NMBR: variants seen among roughly 807,000 people sequenced by gnomAD.
NMBR encodes neuromedin B receptor.
NMBR carries 16 observed loss-of-function variants against 20.5 expected under a neutral mutation model. The observed-to-expected ratio is 0.78, with a 90% confidence interval of 0.53 to 1.19. The LOEUF (loss-of-function observed/expected upper bound fraction) is 1.19, where lower values mean the gene tolerates loss of function less well. Among genes scored for constraint, NMBR ranks in the 50% most tolerant of loss-of-function variants. NMBR has a pLI of 0.00. For missense variants in NMBR, 582 were observed against 499.1 expected (o/e 1.17, Z -1.58); for synonymous variants, 212 against 196.6 (o/e 1.08, Z -0.65).
intron 1 of NMBR, among the ~76,000 whole-genome samples, chr6:142,108,449 C>T (rs1309317454): frequency 6.6e-6 from 1 of 152,176 alleles, no homozygotes; most frequent in African/African-American, 2.4e-5. Context: ...GTTTAATTGA[C>T]TCACAGTTGT....
At chr6:142,077,402 A>G (rs1776971941) in intron 3 of NMBR, among the ~76,000 whole-genome samples, 1 of 152,238 alleles carries the variant, frequency 6.6e-6, no homozygotes, top group Admixed American at 6.5e-5. Flanking sequence ...TAATTGAGAT[A>G]CACAGGGCTC....
At chr6:142,133,372 G>C (rs1490259629) in intron 1 of NMBR, among the ~76,000 whole-genome samples, 1 of 152,114 alleles carries the variant, frequency 6.6e-6, no homozygotes, top group African/African-American at 2.4e-5. Flanking sequence ...AATTCAGGAA[G>C]TGTCTTTAGA....
At chr6:142,103,808 T>G (rs1030782399) in intron 1 of NMBR, among the ~76,000 whole-genome samples, 2 of 152,214 alleles carry the variant, frequency 1.3e-5, no homozygotes, top group African/African-American at 4.8e-5. Context: ...TTCAGTTAAT[T>G]TTTTGCCCTG....
chr6:142,094,392 A>G (rs910352288), intron 1 of NMBR, among the ~76,000 whole-genome samples: 9 of 152,204 alleles, frequency 5.9e-5, no homozygotes, highest in African/African-American at 1.7e-4. Flanking sequence ...TCCCAGCACC[A>G]TTTATTAAAT....
chr6:142,133,069 G>T (rs1778173021), intron 1 of NMBR: 4 of 577,240 alleles, frequency 6.9e-6, no homozygotes, highest in South Asian at 2.2e-5. Flanking sequence ...AGTCCTGAGA[G>T]AATGTAAGAG....
At chr6:142,136,004 T>C (rs534216624) in intron 1 of NMBR, among the ~76,000 whole-genome samples, 2,037 of 152,300 alleles carry the variant, frequency 0.013, 41 homozygotes, top group African/African-American at 0.047. Context: ...CCTTTGGGTA[T>C]ATACCCAGTA....
At chr6:142,132,991 C>A in intron 1 of NMBR, 1 of 434,410 alleles carries the variant, frequency 2.3e-6, no homozygotes, top group Non-Finnish European at 4.1e-6. Context: ...TTGAATGGGG[C>A]CCCAGAGATC....
At chr6:142,091,310 C>A (rs1489281864) in intron 1 of NMBR, among the ~76,000 whole-genome samples, 1 of 152,116 alleles carries the variant, frequency 6.6e-6, no homozygotes. Flanking sequence ...ATAGCCTCAA[C>A]CTCCTTCATT....
rs371859583 is a variant in NMBR, at chr6:142,078,851, G to A, written c.475C>T (p.Arg159Trp). 49 of 1,613,642 alleles carry A rather than the reference G, an allele frequency of 3.0e-5. No homozygotes were observed. The highest frequency in any genetic ancestry group is 1.1e-4 in the East Asian group (5 of 44,838). ...MDMQTSGALL[R>W]TCVKAMGIWV... ...ATACCCATGGCCTTCACACAGGTCC[G>A]CAGCAATGCCCCTGACGTCTGCATG... is the stretch of plus-strand genomic sequence containing the variant. Residue 159 changes from arginine to tryptophan, a missense_variant, in exon 3 of 4, where the codon CGG becomes TGG. Coordinates refer to ENST00000258042, the MANE Select transcript of NMBR (RefSeq NM_002511.4).
intron 1 of NMBR, among the ~76,000 whole-genome samples, chr6:142,095,786 C>CA (rs1777437915): frequency 6.6e-6 from 1 of 152,036 alleles, no homozygotes; most frequent in Admixed American, 6.6e-5. Context: ...TGGTCCTGGA[C>CA]TTTTTTTGGT....
chr6:142,125,721 A>T (rs200344604), intron 1 of NMBR, among the ~76,000 whole-genome samples: 2,331 of 151,982 alleles, frequency 0.015, 49 homozygotes, highest in South Asian at 0.07. Flanking sequence ...TTTCAGATTT[A>T]TCATGGTATA....
chr6:142,086,606 G>A (rs1777205835), intron 2 of NMBR, among the ~76,000 whole-genome samples: 1 of 152,076 alleles, frequency 6.6e-6, no homozygotes, highest in African/African-American at 2.4e-5. Flanking sequence ...GGACCAAGTA[G>A]AAGAGGCATC....
At chr6:142,100,542 A>G in intron 1 of NMBR, among the ~76,000 whole-genome samples, 1 of 152,206 alleles carries the variant, frequency 6.6e-6, no homozygotes, top group South Asian at 2.1e-4. Flanking sequence ...TTCCCAGGGG[A>G]CTGGAGGAGG....
At chr6:142,122,288 C>A (rs1431040440) in intron 1 of NMBR, among the ~76,000 whole-genome samples, 1 of 151,754 alleles carries the variant, frequency 6.6e-6, no homozygotes, top group Non-Finnish European at 1.5e-5. Context: ...GCTAAGAGAG[C>A]TAAAGAAGCT....
At chr6:142,138,904 T>G (rs2114613546) in intron 1 of NMBR, among the ~76,000 whole-genome samples, 1 of 152,340 alleles carries the variant, frequency 6.6e-6, no homozygotes, top group East Asian at 1.9e-4. Context: ...CCTTTCTGCT[T>G]CCTTTTAAGC....
At chr6:142,141,811 T>C (rs1178097762) in intron 1 of NMBR, among the ~76,000 whole-genome samples, 1 of 152,104 alleles carries the variant, frequency 6.6e-6, no homozygotes, top group Non-Finnish European at 1.5e-5. Flanking sequence ...CCTGAAGTTT[T>C]TAAAAGATAA....
intron 1 of NMBR, among the ~76,000 whole-genome samples, chr6:142,116,515 TTGA>T (rs1340935195): frequency 3.3e-5 from 5 of 152,034 alleles, no homozygotes; most frequent in Non-Finnish European, 5.9e-5. Context: ...TACAAGGGTA[TTGA>T]TGCTTTTGAG....
chr6:142,133,822 G>T (rs1176638186), intron 1 of NMBR: 5 of 609,498 alleles, frequency 8.2e-6, no homozygotes, highest in Admixed American at 5.1e-5. Context: ...GTGTTTAAAA[G>T]ATTTTTTTTC....
intron 1 of NMBR, among the ~76,000 whole-genome samples, chr6:142,105,686 T>C (rs1050127128): frequency 6.6e-6 from 1 of 152,146 alleles, no homozygotes; most frequent in African/African-American, 2.4e-5. Flanking sequence ...TACAGAATTG[T>C]TTCTCTCATA....
Sources: allele counts gnomAD v4.1 joint callset (sites outside exome capture counted in the v4.1 genomes callset), GRCh38; gene constraint gnomAD v4.1.1; transcripts MANE v1.5; gene names NCBI Gene and HGNC (gene_info 2026-07-23, HGNC 2026-07-21).